PPP1R14C: variants seen among roughly 807,000 people sequenced by gnomAD.
PPP1R14C encodes protein phosphatase 1 regulatory inhibitor subunit 14C, also known as protein phosphatase 1 regulatory subunit 14C.
In PPP1R14C, 16 loss-of-function variants were observed where a neutral mutation model predicts 20.4. That is an observed-to-expected ratio of 0.78 (90% CI 0.53 to 1.19). PPP1R14C has a LOEUF of 1.19. PPP1R14C is among the 50% of genes most tolerant of loss of function. The pLI, the probability that PPP1R14C is intolerant of heterozygous loss-of-function variation, is 0.00. For synonymous variants in PPP1R14C, 91 were observed against 91.0 expected (o/e 1.00, Z 0.00); for missense variants, 211 against 220.1 (o/e 0.96, Z 0.26).
intron 3 of PPP1R14C, among the ~76,000 whole-genome samples, chr6:150,226,371 T>C (rs771389597): frequency 6.6e-6 from 1 of 152,230 alleles, no homozygotes. Flanking sequence ...TGGATATTAC[T>C]TGTATTTGCA....
chr6:150,159,261 C>T (rs1449198780), intron 1 of PPP1R14C, among the ~76,000 whole-genome samples: 1 of 152,220 alleles, frequency 6.6e-6, no homozygotes, highest in Non-Finnish European at 1.5e-5. Flanking sequence ...TATTAGAACA[C>T]AAATACACAC....
rs1257170213 is a variant in PPP1R14C, at chr6:150,143,468, G to C, written c.276G>C (p.Val92=). The change falls in exon 1 of 4, where the codon GTG becomes GTC. Residue 92 remains valine, a synonymous_variant. Transcript: ENST00000361131. This position sits in a 1 kb window ranked among gnomAD's most constrained non-coding sequence, Gnocchi z 5.6. ...GGCTGGTGCTGGAGGAATGGATCGT[G>C]GAGCAGCTGGGTCAGCTCTACGGCT... ...RKRLVLEEWI[V]EQLGQLYGCE... The C allele has an allele frequency of 6.2e-7, 1 of 1,604,860 alleles. No homozygotes were observed. Among genetic ancestry groups the C allele is most frequent in the East Asian group, 2.3e-5 (1 of 44,066 alleles).
intron 1 of PPP1R14C, chr6:150,196,017 G>C: frequency 1.0e-6 from 1 of 985,460 alleles, no homozygotes; most frequent in Non-Finnish European, 1.2e-6. Flanking sequence ...GTCTCAGTGA[G>C]TGGGGGACTG....
chr6:150,196,453 C>CT (rs59863369), intron 1 of PPP1R14C, among the ~76,000 whole-genome samples: 153 of 146,740 alleles, frequency 1.0e-3, no homozygotes, highest in East Asian at 3.2e-3. Context: ...CTTCTAAGGA[C>CT]TTTTTTTTTT....
chr6:150,166,612 C>T (rs1032335363), intron 1 of PPP1R14C, among the ~76,000 whole-genome samples: 2 of 152,210 alleles, frequency 1.3e-5, no homozygotes, highest in Non-Finnish European at 2.9e-5. Context: ...TCCGCCAGCA[C>T]TTATTGTCCA....
chr6:150,209,027 A>G (rs1284388160), intron 1 of PPP1R14C, among the ~76,000 whole-genome samples: 2 of 152,202 alleles, frequency 1.3e-5, no homozygotes, highest in Admixed American at 6.5e-5. Flanking sequence ...AAGATGAGCT[A>G]TAAGAAATTG....
Position 150,167,973 on chromosome 6 carries a change from T to TTCTCTCCTCCCCTTTCTCC in PPP1R14C, c.306+24475_306+24476insTCTCTCCTCCCCTTTCTCC, listed in dbSNP as rs1582900457. 1.3e-3 allele frequency among the ~76,000 whole-genome samples: 36 copies of TTCTCTCCTCCCCTTTCTCC among 28,198 alleles called. 3 individuals are homozygous for TTCTCTCCTCCCCTTTCTCC. Among genetic ancestry groups the TTCTCTCCTCCCCTTTCTCC allele is most frequent in the East Asian group, 4.7e-3 (4 of 858 alleles). 18.5% of individuals were successfully genotyped at this position (28,198 alleles called of 152,430 possible). A position where few individuals can be genotyped will look rare whatever the true frequency, so the allele number is the denominator to read the frequency against. ...CCCCTTCTCTCCTCCCCTCTTTCTC[T>TTCTCTCCTCCCCTTTCTCC]CCTTCTCTCCTCCCCTCTTCCTCTC... is the stretch of plus-strand genomic sequence containing the variant. On this transcript the variant is annotated intron_variant, in intron 1 of 3. Coordinates refer to ENST00000361131, the MANE Select transcript of PPP1R14C (RefSeq NM_030949.3).
chr6:150,149,540 C>T (rs544059633), intron 1 of PPP1R14C, among the ~76,000 whole-genome samples: 14 of 147,674 alleles, frequency 9.5e-5, no homozygotes, highest in South Asian at 4.3e-4. Context: ...TTAAGTGATC[C>T]GTCAGCCTCA....
intron 3 of PPP1R14C, among the ~76,000 whole-genome samples, chr6:150,241,154 A>C (rs1582935270): frequency 1.3e-5 from 2 of 152,296 alleles, no homozygotes; most frequent in East Asian, 3.9e-4. Context: ...GGGGCTGGAC[A>C]TAGGGTTAAT....
intron 3 of PPP1R14C, among the ~76,000 whole-genome samples, chr6:150,218,794 G>A (rs910692563): frequency 4.6e-5 from 7 of 151,886 alleles, no homozygotes; most frequent in Admixed American, 6.6e-5. Flanking sequence ...TACTGCAGTC[G>A]TGCATTACCA....
intron 1 of PPP1R14C, among the ~76,000 whole-genome samples, chr6:150,198,299 G>A (rs9384234): frequency 0.012 from 1,707 of 137,010 alleles, 51 homozygotes; most frequent in East Asian, 0.073. Context: ...GCCCCTGGCC[G>A]CCATGGTGGA....
In PPP1R14C at chr6:150,214,668, A is replaced by G. The variant is rs1204129339; in HGVS notation, c.307-76A>G. On this transcript the variant is annotated intron_variant, in intron 1 of 3. Transcript: ENST00000361131. The stretch of plus-strand genomic sequence containing the variant: ...AATTGATGATCTAGTTGTTTGTTCA[A>G]CTTAACCTAACTGGTGGGGTACAGT... 14 of 1,067,794 alleles carry G rather than the reference A, an allele frequency of 1.3e-5. No individual in the cohort carries two copies. The Admixed American group carries it at 2.2e-4, about 16-fold the overall frequency. The allele number at this position is 1,067,794 out of a possible 1,614,324, so 66.1% of individuals were successfully genotyped here.
At chr6:150,149,323 GTA>G (rs1554280435) in intron 1 of PPP1R14C, among the ~76,000 whole-genome samples, 1 of 150,788 alleles carries the variant, frequency 6.6e-6, no homozygotes, top group African/African-American at 2.4e-5. Flanking sequence ...GTGTGTGTGT[GTA>G]TGTGTGTGTA....
chr6:150,161,195 G>A (rs897157442), intron 1 of PPP1R14C, among the ~76,000 whole-genome samples: 4 of 151,978 alleles, frequency 2.6e-5, no homozygotes, highest in East Asian at 1.9e-4. Flanking sequence ...CAGGAGAATC[G>A]CTTGAACCCA....
At chr6:150,240,044 A>C (rs1218324155) in intron 3 of PPP1R14C, among the ~76,000 whole-genome samples, 1 of 152,128 alleles carries the variant, frequency 6.6e-6, no homozygotes, top group East Asian at 1.9e-4. Context: ...ACAGAGTGAG[A>C]CTCCATCTCA....
intron 1 of PPP1R14C, among the ~76,000 whole-genome samples, chr6:150,147,161 G>A (rs1439139161): frequency 6.8e-6 from 1 of 147,110 alleles, no homozygotes; most frequent in Non-Finnish European, 1.5e-5. Context: ...CCAAACCCTG[G>A]TGGGTTTTTT....
chr6:150,173,773 T>C (rs1244442887), intron 1 of PPP1R14C, among the ~76,000 whole-genome samples: 2 of 152,128 alleles, frequency 1.3e-5, no homozygotes, highest in African/African-American at 4.8e-5. Context: ...AACTGGCCCA[T>C]GGTCACTCAG....
At chr6:150,231,712 A>T (rs1400678261) in intron 3 of PPP1R14C, among the ~76,000 whole-genome samples, 2 of 152,198 alleles carry the variant, frequency 1.3e-5, no homozygotes, top group African/African-American at 2.4e-5. Flanking sequence ...TTTTGTATGC[A>T]TTGTAACTGT....
chr6:150,204,274 C>T (rs774102672), intron 1 of PPP1R14C, among the ~76,000 whole-genome samples: 4 of 152,206 alleles, frequency 2.6e-5, no homozygotes, highest in Admixed American at 1.3e-4. Flanking sequence ...ACTTTCTCGT[C>T]ACGGGGGCAT....
Sources: gnomAD v4.1 joint callset for allele counts (sites outside exome capture counted in the v4.1 genomes callset) on GRCh38, gnomAD v4.1.1 for gene constraint, Gnocchi (gnomAD v3.1) non-coding constraint, MANE v1.5 for transcripts, NCBI Gene and HGNC (gene_info 2026-07-23, HGNC 2026-07-21) for gene names.